Variants in CDH6 observed in about 807,000 individuals in gnomAD.
CDH6 encodes the protein cadherin-6.
A neutral mutation model predicts 78.0 loss-of-function variants in CDH6; 31 were observed. That is an observed-to-expected ratio of 0.40 (90% CI 0.30 to 0.54). The LOEUF (loss-of-function observed/expected upper bound fraction) is 0.54. CDH6 is among the 20% of genes least tolerant of loss of function. CDH6 has a pLI of 0.56. For missense variants in CDH6, 724 were observed against 975.9 expected (o/e 0.74, Z 3.44); for synonymous variants, 376 against 368.8 (o/e 1.02, Z -0.23).
chr5:31,317,258 G>A (rs1738349954), intron 9 of CDH6, 117 bp from the exon 10 acceptor site: 1 of 628,524 alleles, frequency 1.6e-6, no homozygotes, highest in African/African-American at 1.8e-5. Flanking sequence ...TTACTTAAAG[G>A]CTATCATTTT....
chr5:31,226,783 CTGTT>C (rs1412384129), intron 1 of CDH6, among the ~76,000 whole-genome samples: 2 of 152,152 alleles, frequency 1.3e-5, no homozygotes, highest in African/African-American at 4.8e-5. Context: ...TTTTCAGAAA[CTGTT>C]TGGGACTGCA....
intron 7 of CDH6, among the ~76,000 whole-genome samples, chr5:31,306,539 G>A (rs909353151): frequency 3.3e-5 from 5 of 152,168 alleles, no homozygotes; most frequent in African/African-American, 1.2e-4. Flanking sequence ...GGAGGCCAAG[G>A]TGGGCAGATC....
At chr5:31,263,204 T>A (rs2149931172) in intron 1 of CDH6, among the ~76,000 whole-genome samples, 1 of 151,866 alleles carries the variant, frequency 6.6e-6, no homozygotes, top group South Asian at 2.1e-4. Flanking sequence ...ACTCTCTGCA[T>A]AGTATCACAT....
chr5:31,244,059 T>C (rs1295322108), intron 1 of CDH6, among the ~76,000 whole-genome samples: 1 of 152,216 alleles, frequency 6.6e-6, no homozygotes, highest in Non-Finnish European at 1.5e-5. Context: ...CCCAAAGATG[T>C]TAAATGTGCT....
At chr5:31,307,078 G>A (rs1306759101) in intron 7 of CDH6, among the ~76,000 whole-genome samples, 3 of 152,090 alleles carry the variant, frequency 2.0e-5, no homozygotes, top group East Asian at 1.9e-4. Flanking sequence ...AGAGGGAGGC[G>A]AGGTCAGATA....
intron 1 of CDH6, among the ~76,000 whole-genome samples, chr5:31,257,306 G>A (rs1484792709): frequency 6.6e-6 from 1 of 152,108 alleles, no homozygotes; most frequent in Non-Finnish European, 1.5e-5. Flanking sequence ...GGGACTACAG[G>A]TGCCCGCCAC....
intron 1 of CDH6, among the ~76,000 whole-genome samples, chr5:31,210,360 C>T (rs189463928): frequency 4.6e-5 from 7 of 152,018 alleles, no homozygotes; most frequent in African/African-American, 1.4e-4. Flanking sequence ...AAAAATTTGC[C>T]GGGCATGGTC....
chr5:31,225,421 A>G (rs1319432855), intron 1 of CDH6, among the ~76,000 whole-genome samples: 4 of 152,158 alleles, frequency 2.6e-5, no homozygotes. Flanking sequence ...TCATTCCCGC[A>G]TTGCGATAAA....
chr5:31,262,650 G>T (rs1021259507), intron 1 of CDH6, among the ~76,000 whole-genome samples: 7 of 152,144 alleles, frequency 4.6e-5, no homozygotes, highest in African/African-American at 1.4e-4. Context: ...CAGAAAAAAG[G>T]TTCAACATCT....
chr5:31,235,223 T>C (rs971895248), intron 1 of CDH6, among the ~76,000 whole-genome samples: 6 of 136,664 alleles, frequency 4.4e-5, no homozygotes, highest in African/African-American at 1.6e-4. Context: ...TTTCATCTTT[T>C]CTATTCCTTT....
chr5:31,323,175 C>A lies in CDH6; in HGVS notation c.2240C>A (p.Ala747Glu). Residue 747 changes from alanine to glutamate, a missense_variant, in exon 12 of 12, where the codon GCG becomes GAG. Coordinates refer to ENST00000265071, the MANE Select transcript of CDH6 (RefSeq NM_004932.4). The stretch of plus-strand genomic sequence containing the variant: ...GCCTATGAAGGCACTGGCTCCGTGG[C>A]GGATTCCCTGAGCTCGCTGGAGTCA... ...TYAYEGTGSV[A>E]DSLSSLESVT... 1 of 1,614,124 alleles carries A rather than the reference C, an allele frequency of 6.2e-7. No homozygotes were observed. Among genetic ancestry groups the A allele is most frequent in the Non-Finnish European group, 8.5e-7 (1 of 1,180,014 alleles).
At chr5:31,225,532 T>G (rs960293296) in intron 1 of CDH6, among the ~76,000 whole-genome samples, 2 of 152,102 alleles carry the variant, frequency 1.3e-5, no homozygotes, top group Non-Finnish European at 2.9e-5. Context: ...TCAGGAAACT[T>G]ACAATCTTGG....
intron 2 of CDH6, among the ~76,000 whole-genome samples, chr5:31,268,681 C>T (rs1385798097): frequency 6.6e-6 from 1 of 152,114 alleles, no homozygotes; most frequent in Non-Finnish European, 1.5e-5. Context: ...GTGATTACAG[C>T]TATGATTTTA....
At position 31,268,317 on chromosome 5, in the gene CDH6, A is replaced by G. The variant is rs1742418334; in HGVS notation, c.228+616A>G. Among the ~76,000 whole-genome samples, 3 of 152,222 alleles carry G rather than the reference A, an allele frequency of 2.0e-5. No individual in the cohort carries two copies. The South Asian group carries it at 6.2e-4, about 32-fold the overall frequency. On this transcript the variant is annotated intron_variant, in intron 2 of 11. Transcript: ENST00000265071. ...TGATTTAACTGTGGCAAAATTTGTA[A>G]AAGAGAAAAATGCTTATGTAAAGGT...
chr5:31,304,683 C>CAAAAAA (rs11398035), intron 6 of CDH6, among the ~76,000 whole-genome samples: 1 of 67,906 alleles, frequency 1.5e-5, no homozygotes, highest in Non-Finnish European at 2.6e-5. Flanking sequence ...GACTCCGTCT[C>CAAAAAA]AAAAAAAAAA....
intron 2 of CDH6, among the ~76,000 whole-genome samples, chr5:31,288,635 A>G (rs899673181): frequency 1.3e-5 from 2 of 152,226 alleles, no homozygotes; most frequent in African/African-American, 4.8e-5. Context: ...TGATTGTGCT[A>G]ATTTAAAGTA....
intron 3 of CDH6, among the ~76,000 whole-genome samples, chr5:31,295,042 T>C (rs1162230845): frequency 6.6e-6 from 1 of 152,186 alleles, no homozygotes; most frequent in East Asian, 1.9e-4. Context: ...AGGGCTGAAA[T>C]TACATATTAA....
chr5:31,302,436 G>C, intron 6 of CDH6, 138 bp downstream of exon 6: 1 of 698,518 alleles, frequency 1.4e-6, no homozygotes, highest in Non-Finnish European at 2.2e-6. Flanking sequence ...AAAAATGCCA[G>C]TTCTGGCCGG....
rs1283805767 is a variant in CDH6 at position 31,324,591 on chromosome 5, A to T, written c.*1283A>T. On this transcript the variant is annotated 3_prime_UTR_variant, in exon 12 of 12. Transcript: ENST00000265071. ...TGATAGTTGATTTTCAAAAGCATTA[A>T]TTTTTTTTCATTGTTTTTAACTTTG... 4.7e-6 allele frequency: 1 copy of T among 211,216 alleles called. No homozygotes were observed. The highest frequency in any genetic ancestry group is 2.3e-5 in the African/African-American group (1 of 44,078). 13.1% of individuals were successfully genotyped at this position (211,216 alleles called of 1,614,324 possible). A position where few individuals can be genotyped will look rare whatever the true frequency, so the allele number is the denominator to read the frequency against.
Sources: allele counts gnomAD v4.1 joint callset (sites outside exome capture counted in the v4.1 genomes callset), GRCh38; gene constraint gnomAD v4.1.1; transcripts MANE v1.5; gene names NCBI Gene and HGNC (gene_info 2026-07-23, HGNC 2026-07-21).